PLEKHG7: variants seen among roughly 807,000 people sequenced by gnomAD.
PLEKHG7 encodes pleckstrin homology and RhoGEF domain containing G7.
In PLEKHG7, 77 loss-of-function variants were observed where a neutral mutation model predicts 85.2. That is an observed-to-expected ratio of 0.90 (90% CI 0.75 to 1.09). PLEKHG7 has a LOEUF of 1.09. Ranked by LOEUF, PLEKHG7 falls within the 50% of genes least tolerant of loss-of-function variation. PLEKHG7 has a pLI of 0.00. For missense variants in PLEKHG7, 777 were observed against 804.3 expected, an observed-to-expected ratio of 0.97 and a Z score of 0.41; for synonymous variants, 301 against 302.4, an observed-to-expected ratio of 1.00 and a Z score of 0.05.
chr12:92,749,906 C>CTTTT (rs1872638774), intron 10 of PLEKHG7, among the ~76,000 whole-genome samples: 7 of 61,886 alleles, frequency 1.1e-4, no homozygotes, highest in Non-Finnish European at 2.2e-4. Flanking sequence ...TATTTTATTT[C>CTTTT]ATTTATTTTA....
In PLEKHG7 at chr12:92,706,518, C is replaced by A; in HGVS notation, c.-114C>A. The A allele has an allele frequency of 7.7e-7, 1 of 1,304,748 alleles. No individual in the cohort carries two copies. Among genetic ancestry groups the A allele is most frequent in the Middle Eastern group, 1.9e-4 (1 of 5,192 alleles). 80.8% of individuals were successfully genotyped at this position (1,304,748 alleles called of 1,614,324 possible). On this transcript the variant is annotated 5_prime_UTR_variant, in exon 2 of 17. Transcript: ENST00000344636. ...CTCCTCTGGAAAAGGAAAAGAACTACGAGAGGAAGCATGGCACTTGGATGC... is the reference window on the plus strand; with the variant it reads ...CTCCTCTGGAAAAGGAAAAGAACTAAGAGAGGAAGCATGGCACTTGGATGC...
intron 15 of PLEKHG7, among the ~76,000 whole-genome samples, chr12:92,765,117 C>A (rs1873153196): frequency 6.6e-6 from 1 of 152,028 alleles, no homozygotes; most frequent in African/African-American, 2.4e-5. Context: ...AATAGAGAAA[C>A]CTTAAAGAGT....
At chr12:92,746,357 G>T (rs1054590201) in intron 10 of PLEKHG7, among the ~76,000 whole-genome samples, 1 of 152,226 alleles carries the variant, frequency 6.6e-6, no homozygotes, top group Non-Finnish European at 1.5e-5. Context: ...GGCTCCCATG[G>T]TTCCCAATGA....
intron 15 of PLEKHG7, among the ~76,000 whole-genome samples, chr12:92,767,949 T>C (rs1266428674): frequency 6.6e-6 from 1 of 152,126 alleles, no homozygotes; most frequent in Non-Finnish European, 1.5e-5. Context: ...CTCATGCCTA[T>C]AATCCTAGCA....
chr12:92,755,846 A>T lies in PLEKHG7; in HGVS notation c.1448A>T (p.Lys483Met), dbSNP rs745890606. 3.1e-6 allele frequency: 5 copies of T among 1,612,972 alleles called. No individual in the cohort carries two copies. The African/African-American group carries it at 6.7e-5, about 22-fold the overall frequency. ...KSIRDLEGKVKWLDNFQKFRY... is the reference protein window; with the variant it reads ...KSIRDLEGKVMWLDNFQKFRY... ...TCAGGGGACCTTGAAGGAAAAGTGA[A>T]GTGGCTGGACAATTTCCAAAAATTT... The change falls in exon 12 of 17, where the codon AAG (lysine) becomes ATG (methionine). Residue 483 changes from lysine (K) to methionine (M), a missense_variant. This residue lies in a region of PLEKHG7 where 520 missense variants were observed against 544.0 expected (regional missense o/e 0.96). Coordinates refer to ENST00000344636, the MANE Select transcript of PLEKHG7 (RefSeq NM_001377329.1).
intron 15 of PLEKHG7, among the ~76,000 whole-genome samples, chr12:92,765,564 G>A (rs906161512): frequency 2.6e-5 from 4 of 151,782 alleles, no homozygotes; most frequent in African/African-American, 4.8e-5. Flanking sequence ...GGGAGGCGGA[G>A]GTTGTGGTGA....
At chr12:92,760,400 G>GA (rs760460939) in intron 13 of PLEKHG7, among the ~76,000 whole-genome samples, 2 of 151,950 alleles carry the variant, frequency 1.3e-5, no homozygotes, top group African/African-American at 2.4e-5. Context: ...TGCAAATATA[G>GA]AAAAAATCTT....
At chr12:92,730,814 T>C (rs1871970097) in intron 4 of PLEKHG7, among the ~76,000 whole-genome samples, 1 of 152,190 alleles carries the variant, frequency 6.6e-6, no homozygotes, top group Admixed American at 6.5e-5. Flanking sequence ...TGCTTCTACA[T>C]CTCACTAGCT....
intron 13 of PLEKHG7, among the ~76,000 whole-genome samples, chr12:92,758,091 A>C (rs569361912): frequency 2.7e-4 from 41 of 152,352 alleles, no homozygotes; most frequent in African/African-American, 9.6e-4. Flanking sequence ...CTTCAAAGTA[A>C]TTATATTTTA....
At position 92,708,943 on chromosome 12, in the gene PLEKHG7, A is replaced by C. The variant is rs146112828; in HGVS notation, c.530+1271A>C. Among the ~76,000 whole-genome samples the C allele has an allele frequency of 8.6e-3, 1,310 of 152,360 alleles. 18 individuals are homozygous for C. The highest frequency in any genetic ancestry group is 0.029 in the African/African-American group (1,197 of 41,588). On this transcript the variant is annotated intron_variant, in intron 3 of 16. Coordinates refer to ENST00000344636, the MANE Select transcript of PLEKHG7 (RefSeq NM_001377329.1). Reference sequence around the variant, plus strand: ...TGTAAATCTTCCATACATGTGAAACAGAATAAAGCTCTCAGATGAGATCTA... The same window carrying C: ...TGTAAATCTTCCATACATGTGAAACCGAATAAAGCTCTCAGATGAGATCTA...
At position 92,771,700 on chromosome 12, in the gene PLEKHG7, T is replaced by C. The variant is rs1873437866; in HGVS notation, c.*1505T>C. The C allele has an allele frequency of 6.6e-6, 1 of 151,986 alleles. No homozygotes were observed. 9.4% of individuals were successfully genotyped at this position (151,986 alleles called of 1,614,324 possible). ...GAAATTTCTGGTTAAAAAAAATTTT[T>C]ACATTAACAATCATCTTGCAAATGT... On this transcript the variant is annotated 3_prime_UTR_variant, in exon 17 of 17. Transcript: ENST00000344636.
chr12:92,720,365 A>G (rs149571396), intron 3 of PLEKHG7, among the ~76,000 whole-genome samples: 2,799 of 148,770 alleles, frequency 0.019, 73 homozygotes, highest in African/African-American at 0.066. Context: ...TCACCCTGTC[A>G]CCCAGGCTGG....
chr12:92,737,673 G>A, intron 7 of PLEKHG7, 152 bp downstream of exon 7: 8 of 555,362 alleles, frequency 1.4e-5, no homozygotes, highest in East Asian at 4.2e-5. Context: ...AGGAAGGAAA[G>A]GAAGGAAGAC....
chr12:92,736,362 C>CA, intron 5 of PLEKHG7, 120 bp from the exon 6 acceptor site: 2 of 580,076 alleles, frequency 3.4e-6, no homozygotes, highest in East Asian at 7.0e-5. Flanking sequence ...GGCTTAAAGA[C>CA]AAAATATGCC....
intron 14 of PLEKHG7, among the ~76,000 whole-genome samples, chr12:92,763,286 A>G (rs1235206842): frequency 6.6e-6 from 1 of 152,178 alleles, no homozygotes; most frequent in African/African-American, 2.4e-5. Context: ...TGTGTTCAAA[A>G]CAATTTCAAT....
intron 8 of PLEKHG7, 43 bp from the exon 9 acceptor site, chr12:92,741,448 C>T: frequency 7.5e-7 from 1 of 1,324,804 alleles, no homozygotes; most frequent in African/African-American, 1.5e-5. Context: ...TTCCTTAACC[C>T]TGGGTGTGTG....
At position 92,756,372 on chromosome 12, in the gene PLEKHG7, A is replaced by T; in HGVS notation, c.1617A>T (p.Glu539Asp). 1 of 1,611,676 alleles carries T rather than the reference A, an allele frequency of 6.2e-7. No homozygotes were observed. The highest frequency in any genetic ancestry group is 1.1e-5 in the South Asian group (1 of 91,018). ...CAACCAGCAGACACCTTCTCTATGA[A>T]GGAAAATTAACTCTTGCAGGTAAAT... ...LSPTSRHLLY[E>D]GKLTLAESTR... Residue 539 changes from glutamate to aspartate, a missense_variant, in exon 13 of 17, where the codon GAA becomes GAT. Physicochemically the swap from Glu to Asp is conservative, Grantham distance 45. Around this residue, in one of 3 missense-constraint regions of PLEKHG7, gnomAD observed 520 missense variants for 544.0 expected, o/e 0.96. Coordinates refer to ENST00000344636, the MANE Select transcript of PLEKHG7 (RefSeq NM_001377329.1).
intron 3 of PLEKHG7, among the ~76,000 whole-genome samples, chr12:92,715,440 C>G (rs1251075645): frequency 2.6e-5 from 4 of 152,086 alleles, no homozygotes; most frequent in African/African-American, 9.7e-5. Flanking sequence ...TCAGTATTAA[C>G]CATCACAAGA....
At chr12:92,723,456 A>G (rs778512026) in intron 3 of PLEKHG7, among the ~76,000 whole-genome samples, 1 of 152,222 alleles carries the variant, frequency 6.6e-6, no homozygotes, top group Non-Finnish European at 1.5e-5. Flanking sequence ...ATTATAAGAC[A>G]TGTTTTTTGT....
Sources: allele counts gnomAD v4.1 joint callset (sites outside exome capture counted in the v4.1 genomes callset), GRCh38; gene constraint gnomAD v4.1.1; regional missense constraint gnomAD v4.1.1; transcripts MANE v1.5; gene names NCBI Gene and HGNC (gene_info 2026-07-23, HGNC 2026-07-21).